LRRC28: variants seen among roughly 807,000 people sequenced by gnomAD.
LRRC28 encodes leucine rich repeat containing 28, also known as leucine-rich repeat-containing protein 28.
Under a neutral mutation model 45.7 loss-of-function variants are expected in LRRC28, and 39 were observed. The observed-to-expected ratio is 0.85, with a 90% CI of 0.66 to 1.12. The LOEUF (loss-of-function observed/expected upper bound fraction) is 1.12, where lower values mean the gene tolerates loss of function less well. Among genes scored for constraint, LRRC28 ranks in the 50% most tolerant of loss-of-function variants. The pLI is 0.00. For synonymous variants in LRRC28, 206 were observed against 178.8 expected, an observed-to-expected ratio of 1.15 and a Z score of -1.22; for missense variants, 435 against 438.5, an observed-to-expected ratio of 0.99 and a Z score of 0.07.
chr15:99,372,230 G>A (rs1455473665), intron 9 of LRRC28, among the ~76,000 whole-genome samples: 1 of 152,138 alleles, frequency 6.6e-6, no homozygotes, highest in African/African-American at 2.4e-5. Context: ...TGTGCCAACA[G>A]CATTGTGATT....
intron 5 of LRRC28, among the ~76,000 whole-genome samples, chr15:99,298,510 A>G (rs2082322115): frequency 6.6e-6 from 1 of 152,050 alleles, no homozygotes; most frequent in African/African-American, 2.4e-5. Context: ...CCAGTTTAAA[A>G]CCCTTCATTT....
intron 2 of LRRC28, chr15:99,258,621 C>T: frequency 1.3e-6 from 1 of 756,732 alleles, no homozygotes; most frequent in Non-Finnish European, 2.4e-6. Flanking sequence ...TGAATGGGAA[C>T]TTATGAATGA....
Position 99,352,417 on chromosome 15 carries a change from T to G in LRRC28, c.641T>G (p.Ile214Ser). The G allele has an allele frequency of 1.9e-6, 3 of 1,614,094 alleles. No individual in the cohort carries two copies. Among genetic ancestry groups the G allele is most frequent in the African/African-American group, 1.3e-5 (1 of 75,068 alleles). ...ELQYVYVDNNIHLKGLPSYLY... is the reference protein window; with the variant it reads ...ELQYVYVDNNSHLKGLPSYLY... ...CAGTATGTATACGTGGATAACAACA[T>G]TCACCTGAAAGGCTTGCCATCTTAT... The change falls in exon 7 of 10, where the codon ATT becomes AGT. Residue 214 changes from isoleucine (I) to serine (S), a missense_variant. Coordinates refer to ENST00000301981, the MANE Select transcript of LRRC28 (RefSeq NM_144598.5).
intron 1 of LRRC28, among the ~76,000 whole-genome samples, chr15:99,254,614 G>A (rs1368095169): frequency 6.6e-6 from 1 of 152,222 alleles, no homozygotes; most frequent in African/African-American, 2.4e-5. Flanking sequence ...TTGTGAGTCA[G>A]TGTCTGTGAA....
chr15:99,278,620 A>C (rs2081687800), intron 3 of LRRC28, among the ~76,000 whole-genome samples: 1 of 152,234 alleles, frequency 6.6e-6, no homozygotes, highest in African/African-American at 2.4e-5. Flanking sequence ...CTTTACAGTT[A>C]AAGTGTCTGT....
chr15:99,370,544 C>T (rs7181973), intron 9 of LRRC28, among the ~76,000 whole-genome samples: 32,497 of 151,780 alleles, frequency 0.21, 4,417 homozygotes, highest in African/African-American at 0.39. Flanking sequence ...TTTTCAACTC[C>T]ATATACTTGG....
chr15:99,334,480 C>A (rs998490340), intron 6 of LRRC28, among the ~76,000 whole-genome samples: 1 of 150,588 alleles, frequency 6.6e-6, no homozygotes, highest in African/African-American at 2.5e-5. Context: ...AGCTACGGGT[C>A]TTAAGTATTG....
intron 2 of LRRC28, among the ~76,000 whole-genome samples, chr15:99,273,958 G>A (rs1403023070): frequency 6.6e-6 from 1 of 152,208 alleles, no homozygotes; most frequent in African/African-American, 2.4e-5. Flanking sequence ...TGCTTTGTAT[G>A]TATGCCCATA....
intron 5 of LRRC28, among the ~76,000 whole-genome samples, chr15:99,306,157 G>A (rs1026734760): frequency 4.3e-4 from 66 of 152,318 alleles, no homozygotes; most frequent in African/African-American, 1.5e-3. Context: ...GAGACTTGCA[G>A]GCTAATGATG....
chr15:99,379,684 A>G (rs913141359), intron 9 of LRRC28, among the ~76,000 whole-genome samples: 50 of 152,222 alleles, frequency 3.3e-4, no homozygotes, highest in Non-Finnish European at 5.9e-4. Flanking sequence ...ATTTAGTGCT[A>G]TAAATTTCCC....
At chr15:99,293,225 A>G (rs2082171345) in intron 5 of LRRC28, among the ~76,000 whole-genome samples, 1 of 152,022 alleles carries the variant, frequency 6.6e-6, no homozygotes, top group East Asian at 1.9e-4. Flanking sequence ...CTTTTGTACT[A>G]CTGTGTCATA....
At position 99,274,921 on chromosome 15, in the gene LRRC28, G is replaced by A. The variant is rs146064460; in HGVS notation, c.169-1655G>A. On this transcript the variant is annotated intron_variant, in intron 2 of 9. Coordinates refer to ENST00000301981, the MANE Select transcript of LRRC28 (RefSeq NM_144598.5). ...TTATAATTTATGTCTTTTGGAACTCGGGTCAGACCTAATGTCTTCTAAAAA... is the reference window on the plus strand; with the variant it reads ...TTATAATTTATGTCTTTTGGAACTCAGGTCAGACCTAATGTCTTCTAAAAA... 1.5e-3 allele frequency among the ~76,000 whole-genome samples: 227 copies of A among 152,004 alleles called. 1 individual carries two copies. The highest frequency in any genetic ancestry group is 0.01 in the Middle Eastern group (3 of 294).
intron 5 of LRRC28, among the ~76,000 whole-genome samples, chr15:99,323,925 C>T (rs1247865596): frequency 1.3e-5 from 2 of 152,126 alleles, no homozygotes; most frequent in African/African-American, 4.8e-5. Flanking sequence ...TGGTTTGAAC[C>T]TATTTGTACG....
chr15:99,276,362 G>A (rs1245759808), intron 2 of LRRC28, among the ~76,000 whole-genome samples: 1 of 152,038 alleles, frequency 6.6e-6, no homozygotes, highest in Non-Finnish European at 1.5e-5. Flanking sequence ...GGGGACCGCT[G>A]CTCTAAGGGA....
intron 5 of LRRC28, 200 bp from the exon 6 acceptor site, chr15:99,333,723 T>C (rs1377902209): frequency 3.3e-6 from 2 of 610,848 alleles, no homozygotes; most frequent in Non-Finnish European, 5.7e-6. Flanking sequence ...ATTTAAGAAA[T>C]GTTGGCAGGG....
rs555907356 is a variant in LRRC28, at chr15:99,272,917, G to A, written c.169-3659G>A. On this transcript the variant is annotated intron_variant, in intron 2 of 9. Coordinates refer to ENST00000301981, the MANE Select transcript of LRRC28 (RefSeq NM_144598.5). ...TTTAAAAACATTAAAAAACTTCATA[G>A]CTTGTAAATCCTATGGATTAGGATA... 7.9e-5 allele frequency among the ~76,000 whole-genome samples: 12 copies of A among 152,222 alleles called. No individual in the cohort carries two copies. The South Asian group carries it at 1.5e-3, about 18-fold the overall frequency.
intron 9 of LRRC28, among the ~76,000 whole-genome samples, chr15:99,369,036 T>C (rs1164099316): frequency 6.6e-6 from 1 of 152,216 alleles, no homozygotes; most frequent in African/African-American, 2.4e-5. Context: ...TCAAGTCCTT[T>C]GCTACTTTAT....
At chr15:99,346,806 C>T (rs1169709764) in intron 6 of LRRC28, among the ~76,000 whole-genome samples, 1 of 151,932 alleles carries the variant, frequency 6.6e-6, no homozygotes, top group Non-Finnish European at 1.5e-5. Context: ...TAAATAAAAA[C>T]CTGTATGCGG....
rs1200361254 is a variant in LRRC28, at chr15:99,346,792, AAAAT to A, written c.593-5569_593-5566del. On this transcript the variant is annotated intron_variant, in intron 6 of 9. Transcript: ENST00000301981. ...TTCATTACAACCATTACCTATTAAAAAAATAAATAAAAACCTGTATGCGGGGTAC... is the reference window on the plus strand; with the variant it reads ...TTCATTACAACCATTACCTATTAAAAAAATAAAAACCTGTATGCGGGGTAC... Among the ~76,000 whole-genome samples, 3 of 152,306 alleles carry A rather than the reference AAAAT, an allele frequency of 2.0e-5. No homozygotes were observed. In the East Asian group the frequency reaches 5.8e-4, roughly 29 times the overall value.
Sources: gnomAD v4.1 joint callset for allele counts (sites outside exome capture counted in the v4.1 genomes callset) on GRCh38, gnomAD v4.1.1 for gene constraint, MANE v1.5 for transcripts, NCBI Gene and HGNC (gene_info 2026-07-23, HGNC 2026-07-21) for gene names.